Variants in UBE2D3 observed in about 807,000 individuals in gnomAD.
UBE2D3 encodes the protein ubiquitin-conjugating enzyme E2 D3.
UBE2D3 carries 2 observed loss-of-function variants against 22.8 expected under a neutral mutation model. That is an observed-to-expected ratio of 0.09 (90% CI 0.04 to 0.28). The LOEUF is 0.28. Ranked by LOEUF, UBE2D3 falls within the 10% of genes least tolerant of loss-of-function variation. The probability of loss-of-function intolerance (pLI) is 1.00; values close to 1 mark genes in which losing one functional copy is unlikely to be tolerated. For missense variants in UBE2D3, 27 were observed against 182.5 expected, an observed-to-expected ratio of 0.15 and a Z score of 4.91; for synonymous variants, 56 against 60.4, an observed-to-expected ratio of 0.93 and a Z score of 0.34.
intron 2 of UBE2D3, among the ~76,000 whole-genome samples, chr4:102,824,525 TTATAGAGGCACA>T (rs1730152044): frequency 6.6e-6 from 1 of 152,234 alleles, no homozygotes; most frequent in African/African-American, 2.4e-5. Context: ...GATACCCTTC[TTATAGAGGCACA>T]TAAACTTGCC....
chr4:102,811,873 C>T (rs540750850), intron 2 of UBE2D3: 25 of 383,800 alleles, frequency 6.5e-5, no homozygotes, highest in South Asian at 9.6e-5. Context: ...AAAAAAATTA[C>T]GATAAAGCCA....
At chr4:102,859,392 A>G (rs528355170) in intron 1 of UBE2D3, among the ~76,000 whole-genome samples, 3 of 151,996 alleles carry the variant, frequency 2.0e-5, no homozygotes, top group East Asian at 1.9e-4. Context: ...AAAAATTTTC[A>G]TATCAGACAG....
intron 2 of UBE2D3, chr4:102,812,614 C>CA (rs1491254458): frequency 6.6e-6 from 1 of 152,134 alleles, no homozygotes; most frequent in African/African-American, 2.4e-5. Flanking sequence ...ACAATGTATG[C>CA]ACCAACAGTA....
Position 102,855,226 on chromosome 4 carries a change from C to T in UBE2D3, c.-129+13489G>A, listed in dbSNP as rs917344682. 3.3e-5 allele frequency among the ~76,000 whole-genome samples: 5 copies of T among 152,104 alleles called. No homozygotes were observed. In the South Asian group the frequency reaches 8.3e-4, roughly 25 times the overall value. ...TTAAACTTGTGGGAAGGGATAAAAA[C>T]GAGGGTCTGCCATTTTGCTCTACCT... is the stretch of plus-strand genomic sequence containing the variant. On this transcript the variant is annotated intron_variant, in intron 1 of 7. Transcript: ENST00000338145.
intron 7 of UBE2D3, among the ~76,000 whole-genome samples, chr4:102,797,674 AAAC>A (rs1308888686): frequency 6.6e-6 from 1 of 151,970 alleles, no homozygotes; most frequent in Non-Finnish European, 1.5e-5. Flanking sequence ...AGTATTTTAA[AAAC>A]AACTAAGAAA....
At position 102,807,071 on chromosome 4, in the gene UBE2D3, A is replaced by G. The variant is rs1727177914; in HGVS notation, c.120+2601T>C. Among the ~76,000 whole-genome samples, 4 of 152,212 alleles carry G rather than the reference A, an allele frequency of 2.6e-5. No individual in the cohort carries two copies. The South Asian group carries it at 8.3e-4, about 31-fold the overall frequency. On this transcript the variant is annotated intron_variant, in intron 4 of 7. Coordinates refer to ENST00000453744, the MANE Select transcript of UBE2D3 (RefSeq NM_181891.3). Reference sequence around the variant, plus strand: ...CTATTGAAACTCAAAATTAGATGGTATATTCCCTACAGTCAGGAATCTTCA... The same window carrying G: ...CTATTGAAACTCAAAATTAGATGGTGTATTCCCTACAGTCAGGAATCTTCA...
chr4:102,819,046 C>T (rs1038986432), intron 2 of UBE2D3, among the ~76,000 whole-genome samples: 11 of 152,082 alleles, frequency 7.2e-5, no homozygotes, highest in African/African-American at 2.7e-4. Context: ...ATGTCCCCTC[C>T]CTTGCTGGGC....
At chr4:102,835,424 A>C (rs1731339881) in intron 1 of UBE2D3, among the ~76,000 whole-genome samples, 1 of 152,224 alleles carries the variant, frequency 6.6e-6, no homozygotes, top group Non-Finnish European at 1.5e-5. Flanking sequence ...TTCTGGAAAC[A>C]ATCCCTCATG....
chr4:102,802,818 G>T, intron 4 of UBE2D3, 180 bp from the exon 5 acceptor site: 1 of 403,130 alleles, frequency 2.5e-6, no homozygotes, highest in South Asian at 7.3e-5. Flanking sequence ...AACTTATACA[G>T]TAATAAACCC....
intron 2 of UBE2D3, among the ~76,000 whole-genome samples, chr4:102,813,329 G>C (rs1578243838): frequency 6.6e-6 from 1 of 152,198 alleles, no homozygotes; most frequent in East Asian, 1.9e-4. Context: ...TGGAGTTGCA[G>C]GTACGCATCA....
Position 102,811,574 on chromosome 4 carries a change from G to A in UBE2D3, c.25-1719C>T, listed in dbSNP as rs118077770. On this transcript the variant is annotated intron_variant, in intron 2 of 7. Transcript: ENST00000453744. ...CACACGCCTGTAATCCCAGCTACTC[G>A]GGAGGATGATACAGGAGAATCACTT... is the stretch of plus-strand genomic sequence containing the variant. 3.2e-4 allele frequency: 91 copies of A among 281,508 alleles called. 1 individual carries two copies. The East Asian group carries it at 0.011, about 33-fold the overall frequency. 17.4% of individuals were successfully genotyped at this position (281,508 alleles called of 1,614,324 possible). A position where few individuals can be genotyped will look rare whatever the true frequency, so the allele number is the denominator to read the frequency against.
At chr4:102,819,892 T>C (rs1358382649) in intron 2 of UBE2D3, among the ~76,000 whole-genome samples, 1 of 152,262 alleles carries the variant, frequency 6.6e-6, no homozygotes, top group Non-Finnish European at 1.5e-5. Context: ...AGTCTATTTC[T>C]TTCAGAACTA....
chr4:102,819,587 A>G (rs1729268147), intron 2 of UBE2D3: 1 of 985,272 alleles, frequency 1.0e-6, no homozygotes, highest in Non-Finnish European at 1.2e-6. Context: ...TTAAAGCGTA[A>G]CGCCATAAAT....
At chr4:102,864,593 T>C (rs1733060872) in intron 1 of UBE2D3, among the ~76,000 whole-genome samples, 1 of 152,206 alleles carries the variant, frequency 6.6e-6, no homozygotes, top group Non-Finnish European at 1.5e-5. Context: ...TATCTAGTCA[T>C]AACCACTGGT....
intron 2 of UBE2D3, among the ~76,000 whole-genome samples, chr4:102,818,699 T>C (rs1372605289): frequency 6.6e-6 from 1 of 152,102 alleles, no homozygotes; most frequent in Non-Finnish European, 1.5e-5. Context: ...AAGCCACTGG[T>C]GAGTGTTCTC....
At chr4:102,862,167 C>G (rs887949366) in intron 1 of UBE2D3, among the ~76,000 whole-genome samples, 1 of 151,842 alleles carries the variant, frequency 6.6e-6, no homozygotes, top group Non-Finnish European at 1.5e-5. Flanking sequence ...CCATTTATTT[C>G]TAGTTTGCTG....
intron 4 of UBE2D3, among the ~76,000 whole-genome samples, chr4:102,804,628 T>TGTAAAA (rs1726741893): frequency 1.3e-5 from 2 of 152,146 alleles, no homozygotes; most frequent in Non-Finnish European, 2.9e-5. Context: ...AAGATATGTT[T>TGTAAAA]TTTCTGTGTA....
At chr4:102,857,969 G>A (rs1732709453) in intron 1 of UBE2D3, among the ~76,000 whole-genome samples, 1 of 151,948 alleles carries the variant, frequency 6.6e-6, no homozygotes, top group South Asian at 2.1e-4. Flanking sequence ...TGGGGTTACA[G>A]GCATGAGCCA....
intron 1 of UBE2D3, among the ~76,000 whole-genome samples, chr4:102,834,882 A>G (rs1731307830): frequency 6.6e-6 from 1 of 151,324 alleles, no homozygotes; most frequent in Non-Finnish European, 1.5e-5. Context: ...GGGCTCAAGG[A>G]GTCCTCCCAC....
Sources: gnomAD v4.1 joint callset for allele counts (sites outside exome capture counted in the v4.1 genomes callset) on GRCh38, gnomAD v4.1.1 for gene constraint, MANE v1.5 for transcripts, NCBI Gene and HGNC (gene_info 2026-07-23, HGNC 2026-07-21) for gene names.